The following EPB41L3 variants were observed in gnomAD, a reference collection of about 807,000 sequenced individuals.
EPB41L3 encodes the protein band 4.1-like protein 3.
In EPB41L3, 57 loss-of-function variants were observed where a neutral mutation model predicts 127.1. The observed-to-expected ratio is 0.45, with a 90% CI of 0.36 to 0.56. EPB41L3 has a LOEUF of 0.56. Ranked by LOEUF, EPB41L3 falls within the 20% of genes least tolerant of loss-of-function variation. The pLI, the probability that EPB41L3 is intolerant of heterozygous loss-of-function variation, is 0.00. For missense variants in EPB41L3, 1,273 were observed against 1,372.2 expected (o/e 0.93, Z 1.14); for synonymous variants, 572 against 549.5 (o/e 1.04, Z -0.57).
intron 3 of EPB41L3, among the ~76,000 whole-genome samples, chr18:5,460,986 C>G (rs1298043524): frequency 6.6e-6 from 1 of 152,144 alleles, no homozygotes; most frequent in Non-Finnish European, 1.5e-5. Context: ...GTAAAATTCA[C>G]TTTTGAAATA....
intron 3 of EPB41L3, among the ~76,000 whole-genome samples, chr18:5,575,845 A>G (rs2094332489): frequency 6.6e-6 from 1 of 152,194 alleles, no homozygotes; most frequent in Non-Finnish European, 1.5e-5. Flanking sequence ...TCAAAAAAAA[A>G]GCATCTAATA....
intron 3 of EPB41L3, among the ~76,000 whole-genome samples, chr18:5,572,043 T>C (rs1428158841): frequency 1.3e-5 from 2 of 152,200 alleles, no homozygotes; most frequent in Non-Finnish European, 2.9e-5. Context: ...TAAATAACCA[T>C]ATATTGATGA....
intron 1 of EPB41L3, among the ~76,000 whole-genome samples, chr18:5,531,908 G>A (rs899126805): frequency 6.6e-6 from 1 of 152,100 alleles, no homozygotes; most frequent in Non-Finnish European, 1.5e-5. Flanking sequence ...AAAGAAAGAA[G>A]AGAATGTGTA....
At position 5,393,190 on chromosome 18, in the gene EPB41L3, G is replaced by A. The variant is rs975158403; in HGVS notation, c.*295C>T. ...ACGGTTTATATTGTTGGTTATGAAC[G>A]TGCAGGTATAGCTGAAAACTGAGAC... On this transcript the variant is annotated 3_prime_UTR_variant, in exon 23 of 23. Coordinates refer to ENST00000341928, the MANE Select transcript of EPB41L3 (RefSeq NM_012307.5). 5.6e-5 allele frequency: 20 copies of A among 359,484 alleles called. No homozygotes were observed. The highest frequency in any genetic ancestry group is 2.5e-4 in the African/African-American group (12 of 47,514). The allele number at this position is 359,484 out of a possible 1,614,324, so 22.3% of individuals were successfully genotyped here. A position where few individuals can be genotyped will look rare whatever the true frequency, so the allele number is the denominator to read the frequency against.
chr18:5,618,691 A>G (rs565635833), intron 1 of EPB41L3, among the ~76,000 whole-genome samples: 1 of 152,340 alleles, frequency 6.6e-6, no homozygotes, highest in African/African-American at 2.4e-5. Flanking sequence ...GACGAAAGTC[A>G]ATGAAAAGTG....
intron 3 of EPB41L3, among the ~76,000 whole-genome samples, chr18:5,571,269 C>T (rs1762291408): frequency 6.6e-6 from 1 of 152,146 alleles, no homozygotes; most frequent in Admixed American, 6.5e-5. Context: ...ATACATTGGC[C>T]TGCCTATTAG....
At chr18:5,406,578 G>C (rs2075422339) in intron 16 of EPB41L3, among the ~76,000 whole-genome samples, 199 bp downstream of exon 16, 1 of 152,172 alleles carries the variant, frequency 6.6e-6, no homozygotes, top group Non-Finnish European at 1.5e-5. Context: ...ACCATCTGAT[G>C]CTATTACTCA....
At chr18:5,487,490 C>T (rs1367109250) in intron 2 of EPB41L3, among the ~76,000 whole-genome samples, 2 of 150,540 alleles carry the variant, frequency 1.3e-5, no homozygotes, top group Non-Finnish European at 3.0e-5. Flanking sequence ...TATATTTTAC[C>T]TCAAATTTTT....
At chr18:5,409,237 A>G (rs2075889319) in intron 14 of EPB41L3, among the ~76,000 whole-genome samples, 1 of 152,160 alleles carries the variant, frequency 6.6e-6, no homozygotes, top group Admixed American at 6.5e-5. Flanking sequence ...AAGCCTACCT[A>G]TGTTATAGGT....
In EPB41L3 at chr18:5,407,053, T is replaced by C. The variant is rs181734309; in HGVS notation, c.2158-85A>G. ...TCTTTTGTTTGCTTTAAAAGTAATGTCAATCTTATTAGTAGTCAAAATAAA... is the reference window on the plus strand; with the variant it reads ...TCTTTTGTTTGCTTTAAAAGTAATGCCAATCTTATTAGTAGTCAAAATAAA... On this transcript the variant is annotated intron_variant, in intron 15 of 22. Coordinates refer to ENST00000341928, the MANE Select transcript of EPB41L3 (RefSeq NM_012307.5). The C allele has an allele frequency of 1.7e-5, 22 of 1,313,898 alleles. No homozygotes were observed. The East Asian group carries it at 3.5e-4, about 21-fold the overall frequency. The allele number at this position is 1,313,898 out of a possible 1,614,324, so 81.4% of individuals were successfully genotyped here.
At position 5,397,252 on chromosome 18, in the gene EPB41L3, G is replaced by A; in HGVS notation, c.2647C>T (p.Gln883Ter). The change falls in exon 18 of 23, where the codon CAG (glutamine) becomes TAG (stop). Residue 883 changes from glutamine to a stop codon, truncating the protein, a stop_gained. Coordinates refer to ENST00000341928, the MANE Select transcript of EPB41L3 (RefSeq NM_012307.5). LOFTEE classifies it high-confidence loss of function. This position sits in a 1 kb window ranked among gnomAD's most constrained non-coding sequence, Gnocchi z 4.1. ...CCTTTAATGCCTGTGAATGCGGGCT[G>A]TGCTGCAGCATCCCCGCTGTCTCCC... Reference protein sequence around the residue: ...SAGDSGDAAAQPAFTGIKGKE... With the variant: ...SAGDSGDAAA The A allele has an allele frequency of 6.2e-7, 1 of 1,614,120 alleles. No individual in the cohort carries two copies. Among genetic ancestry groups the A allele is most frequent in the Non-Finnish European group, 8.5e-7 (1 of 1,180,026 alleles).
intron 3 of EPB41L3, among the ~76,000 whole-genome samples, chr18:5,575,237 T>C (rs2094325743): frequency 6.6e-6 from 1 of 152,172 alleles, no homozygotes; most frequent in Non-Finnish European, 1.5e-5. Context: ...TAAAATATCC[T>C]CAATAGCTGA....
chr18:5,489,096 C>T lies in EPB41L3; in HGVS notation c.88G>A (p.Gly30Arg). ...TTGGGCGGCTCCGGCACGGGCGCCC[C>T]CGCGCGCCCCTGCGCCCCCGCCGCC... ...QEAAGAQGRA[G>R]APVPEPPKEE... Residue 30 changes from glycine (G) to arginine (R), a missense_variant, in exon 2 of 23, where the codon GGG (glycine) becomes AGG (arginine). Physicochemically the swap from Gly to Arg is moderately radical, Grantham distance 125. This residue lies in a region of EPB41L3 where 182 missense variants were observed against 149.2 expected (regional missense o/e 1.22). Transcript: ENST00000341928. 1 of 1,595,616 alleles carries T rather than the reference C, an allele frequency of 6.3e-7. No homozygotes were observed. Among genetic ancestry groups the T allele is most frequent in the Non-Finnish European group, 8.5e-7 (1 of 1,174,742 alleles).
intron 3 of EPB41L3, among the ~76,000 whole-genome samples, chr18:5,565,503 G>A (rs1221034981): frequency 2.7e-5 from 4 of 150,418 alleles, no homozygotes; most frequent in Admixed American, 6.6e-5. Context: ...TGTGCACAAC[G>A]TGCAGGTTAG....
At chr18:5,408,273 C>CTTTTTTTTTTTTTTT (rs1208956534) in intron 14 of EPB41L3, among the ~76,000 whole-genome samples, 2 of 50,464 alleles carry the variant, frequency 4.0e-5, no homozygotes, top group African/African-American at 6.5e-5. Context: ...TTTCTTTTTT[C>CTTTTTTTTTTTTTTT]TTTTTTTTTT....
At chr18:5,577,296 G>C (rs918472803) in intron 3 of EPB41L3, 2 of 446,702 alleles carry the variant, frequency 4.5e-6, no homozygotes, top group Non-Finnish European at 8.9e-6. Context: ...CTTCTCACAA[G>C]CATACATTAA....
intron 1 of EPB41L3, among the ~76,000 whole-genome samples, chr18:5,619,658 C>T (rs1336299454): frequency 6.6e-6 from 1 of 152,108 alleles, no homozygotes; most frequent in Non-Finnish European, 1.5e-5. Flanking sequence ...TAACAAACAC[C>T]CCCTTTCCTT....
intron 1 of EPB41L3, among the ~76,000 whole-genome samples, chr18:5,504,099 C>T (rs1393629350): frequency 2.0e-5 from 3 of 152,092 alleles, no homozygotes; most frequent in Non-Finnish European, 4.4e-5. Flanking sequence ...AGAGAGAAGC[C>T]TGCACAGGAA....
At chr18:5,600,983 A>T (rs1000379199) in intron 3 of EPB41L3, among the ~76,000 whole-genome samples, 1 of 152,196 alleles carries the variant, frequency 6.6e-6, no homozygotes, top group African/African-American at 2.4e-5. Context: ...AATTCATGGC[A>T]TTCCAGTTAG....
Sources: allele counts gnomAD v4.1 joint callset (sites outside exome capture counted in the v4.1 genomes callset), GRCh38; gene constraint gnomAD v4.1.1; regional missense constraint gnomAD v4.1.1; non-coding constraint Gnocchi (gnomAD v3.1); transcripts MANE v1.5; gene names NCBI Gene and HGNC (gene_info 2026-07-23, HGNC 2026-07-21).